The following CRACR2A variants were observed in gnomAD, a reference collection of about 807,000 sequenced individuals.
CRACR2A encodes the protein EF-hand calcium-binding domain-containing protein 4B.
In CRACR2A, 79 loss-of-function variants were observed where a neutral mutation model predicts 90.5. The observed-to-expected ratio is 0.87, with a 90% CI of 0.73 to 1.05. The LOEUF is 1.05. Ranked by LOEUF, CRACR2A falls within the 50% of genes least tolerant of loss-of-function variation. CRACR2A has a pLI of 0.00. For missense variants in CRACR2A, 823 were observed against 897.2 expected (o/e 0.92, Z 1.06); for synonymous variants, 338 against 356.7 (o/e 0.95, Z 0.59).
At chr12:3,616,176 C>T (rs1288283637) in intron 19 of CRACR2A, among the ~76,000 whole-genome samples, 2 of 152,222 alleles carry the variant, frequency 1.3e-5, no homozygotes, top group Non-Finnish European at 2.9e-5. Context: ...CCTTGTGATA[C>T]TCCATAACCC....
intron 11 of CRACR2A, among the ~76,000 whole-genome samples, chr12:3,646,406 A>G (rs1432801597): frequency 6.6e-6 from 1 of 152,236 alleles, no homozygotes; most frequent in African/African-American, 2.4e-5. Context: ...GCAGCCATTT[A>G]TGGAGCACTT....
chr12:3,652,414 A>T (rs1265918236), intron 10 of CRACR2A, among the ~76,000 whole-genome samples: 2 of 152,210 alleles, frequency 1.3e-5, no homozygotes, highest in Non-Finnish European at 2.9e-5. Context: ...AAGAATTGGA[A>T]TGGAGGGGCT....
At chr12:3,645,989 G>A (rs751320203) in intron 11 of CRACR2A, among the ~76,000 whole-genome samples, 1 of 152,152 alleles carries the variant, frequency 6.6e-6, no homozygotes, top group South Asian at 2.1e-4. Context: ...AGTTGGGCAC[G>A]GGGGTAGGGG....
intron 2 of CRACR2A, chr12:3,731,066 G>A (rs780310492): frequency 6.6e-6 from 1 of 152,254 alleles, no homozygotes; most frequent in Non-Finnish European, 1.5e-5. Context: ...AGGCAGAAAA[G>A]TTGGCAGCAT....
In CRACR2A at chr12:3,633,712, CA is replaced by C. The variant is rs1430138245; in HGVS notation, c.1626del (p.Asp543ThrfsTer20). 2 of 1,551,644 alleles carry C rather than the reference CA, an allele frequency of 1.3e-6. No individual in the cohort carries two copies. The highest frequency in any genetic ancestry group is 1.4e-5 in the African/African-American group (1 of 73,048). On this transcript the variant is annotated frameshift_variant, in exon 15 of 20. Transcript: ENST00000440314. LOFTEE classifies it high-confidence loss of function. The surrounding 1 kb of genome is among the most constrained non-coding windows in gnomAD (Gnocchi z 4.5). ...LCKEESSPSAPDRLFKIVFVG... is the reference protein window; with the variant it reads ...LCKEESSPSAXDRLFKIVFVG... ...ACGAACACAATCTTGAAGAGCCGGTCAGGGGCAGAGGGAGAGCTTTCCTCCT... is the reference window on the plus strand; with the variant it reads ...ACGAACACAATCTTGAAGAGCCGGTCGGGGCAGAGGGAGAGCTTTCCTCCT...
chr12:3,670,573 C>G (rs924680076), intron 7 of CRACR2A, among the ~76,000 whole-genome samples: 10 of 152,190 alleles, frequency 6.6e-5, no homozygotes, highest in Admixed American at 2.0e-4. Context: ...GTCTGAGTTA[C>G]AAGTGCCTTT....
chr12:3,648,567 G>C lies in CRACR2A; in HGVS notation c.1093C>G (p.Leu365Val), dbSNP rs1228818142. Residue 365 changes from leucine (L) to valine (V), a missense_variant, in exon 11 of 20, where the codon CTC becomes GTC. By Grantham distance (32) the Leu-to-Val change is conservative. Coordinates refer to ENST00000440314, the MANE Select transcript of CRACR2A (RefSeq NM_001144958.2). ...TESLQREKAG[L>V]LKQLDFLRER... is the part of the protein sequence containing the mutation. ...CTTAGGAAATCCAGCTGCTTGAGGA[G>C]CCCGGCCTTCTCACGCTGTAGACTC... is the stretch of plus-strand genomic sequence containing the variant. The C allele has an allele frequency of 1.2e-6, 2 of 1,614,026 alleles. No homozygotes were observed. The highest frequency in any genetic ancestry group is 2.7e-5 in the African/African-American group (2 of 74,932).
intron 18 of CRACR2A, 48 bp from the exon 19 acceptor site, chr12:3,617,078 G>A (rs775218297): frequency 2.2e-5 from 32 of 1,426,940 alleles, no homozygotes; most frequent in Non-Finnish European, 4.8e-6. Flanking sequence ...AGTGAGAGGG[G>A]ATTGTGGGGG....
At chr12:3,661,606 G>T (rs1271888201) in intron 7 of CRACR2A, among the ~76,000 whole-genome samples, 2 of 152,176 alleles carry the variant, frequency 1.3e-5, no homozygotes, top group Non-Finnish European at 2.9e-5. Flanking sequence ...GGAAAGTAAG[G>T]AAAAAGGCTC....
intron 7 of CRACR2A, among the ~76,000 whole-genome samples, chr12:3,666,327 C>CTGTGTGTGTGTGTGTG (rs1456953340): frequency 1.7e-5 from 1 of 57,892 alleles, no homozygotes; most frequent in African/African-American, 1.1e-4. Flanking sequence ...TAAAGGACGG[C>CTGTGTGTGTGTGTGTG]TGCGTGTGTG....
chr12:3,722,011 G>A (rs1946186953), intron 2 of CRACR2A, among the ~76,000 whole-genome samples: 6 of 152,198 alleles, frequency 3.9e-5, no homozygotes. Context: ...CACTGTCAGT[G>A]TTTCAATGGC....
intron 7 of CRACR2A, among the ~76,000 whole-genome samples, chr12:3,663,066 ATTAATC>A (rs1945066966): frequency 6.6e-6 from 1 of 152,152 alleles, no homozygotes; most frequent in African/African-American, 2.4e-5. Flanking sequence ...TCATTTAACA[ATTAATC>A]TTAAATAGTC....
At chr12:3,720,533 C>T (rs1407109177) in intron 2 of CRACR2A, among the ~76,000 whole-genome samples, 1 of 152,200 alleles carries the variant, frequency 6.6e-6, no homozygotes, top group Non-Finnish European at 1.5e-5. Flanking sequence ...CTTGTGCCTG[C>T]CACAGGTCTC....
intron 1 of CRACR2A, among the ~76,000 whole-genome samples, chr12:3,740,159 T>A (rs1002288169): frequency 6.6e-6 from 1 of 152,018 alleles, no homozygotes; most frequent in African/African-American, 2.4e-5. Context: ...TCAAAAATGA[T>A]CCCTCTGCAG....
intron 11 of CRACR2A, chr12:3,647,807 CCTT>C (rs1944716552): frequency 1.0e-6 from 1 of 966,228 alleles, no homozygotes; most frequent in Non-Finnish European, 1.2e-6. Flanking sequence ...AACCCAAAGT[CCTT>C]CTGTTTCCTC....
intron 3 of CRACR2A, among the ~76,000 whole-genome samples, chr12:3,706,225 G>T (rs1408015657): frequency 6.6e-6 from 1 of 152,186 alleles, no homozygotes; most frequent in Admixed American, 6.5e-5. Flanking sequence ...TTGAGTGGGG[G>T]CAGGAGACAA....
chr12:3,672,353 C>T (rs1945260952), intron 7 of CRACR2A, among the ~76,000 whole-genome samples: 1 of 152,254 alleles, frequency 6.6e-6, no homozygotes, highest in African/African-American at 2.4e-5. Flanking sequence ...AAACTGCCTT[C>T]CAGGCTTTGC....
intron 2 of CRACR2A, chr12:3,729,292 G>A (rs1391487053): frequency 6.6e-6 from 1 of 152,200 alleles, no homozygotes; most frequent in African/African-American, 2.4e-5. Context: ...TTTGCAGTAT[G>A]TAGCCATCTG....
chr12:3,631,124 A>T (rs1029552342), intron 15 of CRACR2A, among the ~76,000 whole-genome samples: 1 of 152,148 alleles, frequency 6.6e-6, no homozygotes, highest in African/African-American at 2.4e-5. Context: ...TGTGTCCCAG[A>T]GCAGGGCCTG....
Sources: gnomAD v4.1 joint callset for allele counts (sites outside exome capture counted in the v4.1 genomes callset) on GRCh38, gnomAD v4.1.1 for gene constraint, Gnocchi (gnomAD v3.1) non-coding constraint, MANE v1.5 for transcripts, NCBI Gene and HGNC (gene_info 2026-07-23, HGNC 2026-07-21) for gene names.